Variants in MYMK observed in about 807,000 individuals in gnomAD.
The protein encoded by MYMK is myomaker, myoblast fusion factor.
In MYMK, 16 loss-of-function variants were observed where a neutral mutation model predicts 22.4. The ratio of observed to expected loss-of-function variants is 0.72; its 90% CI spans 0.48 to 1.09. The LOEUF (loss-of-function observed/expected upper bound fraction) is 1.09, where lower values mean the gene tolerates loss of function less well. Among genes scored for constraint, MYMK ranks in the 50% least tolerant of loss-of-function variants. MYMK has a pLI of 0.00. For synonymous variants in MYMK, 125 were observed against 127.0 expected (o/e 0.98, Z 0.11); for missense variants, 250 against 295.6 (o/e 0.85, Z 1.13).
intron 3 of MYMK, 141 bp downstream of exon 3, chr9:133,518,733 G>C: frequency 4.6e-6 from 5 of 1,089,516 alleles, no homozygotes; most frequent in Non-Finnish European, 6.5e-6. Context: ...TATTTTCTAC[G>C]TGGTTTTGCT....
At chr9:133,524,300 G>A (rs1366163682) in intron 1 of MYMK, among the ~76,000 whole-genome samples, 2 of 152,144 alleles carry the variant, frequency 1.3e-5, no homozygotes, top group Admixed American at 6.5e-5. Context: ...GGCCTGGCTT[G>A]CCCCACTCAT....
At chr9:133,523,279 G>A (rs1012815726) in intron 1 of MYMK, among the ~76,000 whole-genome samples, 1 of 152,266 alleles carries the variant, frequency 6.6e-6, no homozygotes, top group African/African-American at 2.4e-5. Flanking sequence ...GACTCCCTCT[G>A]TGCACTCACA....
intron 1 of MYMK, among the ~76,000 whole-genome samples, chr9:133,523,664 GTAGA>G: frequency 7.0e-6 from 1 of 142,708 alleles, no homozygotes; most frequent in South Asian, 2.3e-4. Context: ...AGATGGATGC[GTAGA>G]TAGAGAGATA....
chr9:133,514,768 A>C lies in MYMK; in HGVS notation c.534T>G (p.Tyr178Ter). The stretch of plus-strand genomic sequence containing the variant: ...GGGCACAGTGGTAGAAGCTGTGGAC[A>C]TAAGTGTAGTCCCAGTCCTGCGGGG... ...RFFFEDWDYT[Y>*]VHSFYHCALA... is the part of the protein sequence containing the mutation. Residue 178 changes from tyrosine (Y) to a stop codon, truncating the protein, a stop_gained, in exon 5 of 5, where the codon TAT becomes TAG. Transcript: ENST00000339996. LOFTEE classifies it high-confidence loss of function. 1.2e-6 allele frequency: 2 copies of C among 1,613,742 alleles called. No homozygotes were observed. Among genetic ancestry groups the C allele is most frequent in the South Asian group, 1.1e-5 (1 of 91,070 alleles).
At chr9:133,517,720 G>A (rs1446659399) in intron 3 of MYMK, among the ~76,000 whole-genome samples, 2 of 151,438 alleles carry the variant, frequency 1.3e-5, no homozygotes, top group African/African-American at 4.9e-5. Flanking sequence ...CTGCCATGAC[G>A]TCCTGTTAAG....
chr9:133,519,082 C>T (rs1017446913), intron 2 of MYMK, 60 bp from the exon 3 acceptor site: 4 of 1,582,016 alleles, frequency 2.5e-6, no homozygotes, highest in Non-Finnish European at 3.4e-6. Context: ...CTCCTGGCTA[C>T]CCCCCCACCC....
Position 133,519,727 on chromosome 9 carries a change from GA to G in MYMK, c.250+446del, listed in dbSNP as rs200714729. ...CCTTGCCACAGACAACAGTTACGTG[GA>G]AAAAAACATGGTGGGAAAGGGGGCT... On this transcript the variant is annotated intron_variant, in intron 2 of 4. Coordinates refer to ENST00000339996, the MANE Select transcript of MYMK (RefSeq NM_001080483.3). Among the ~76,000 whole-genome samples, 1,294 of 152,196 alleles carry G rather than the reference GA, an allele frequency of 8.5e-3. 30 individuals are homozygous for G. The highest frequency in any genetic ancestry group is 0.03 in the African/African-American group (1,232 of 41,526).
At chr9:133,521,091 C>G (rs1844698000) in intron 1 of MYMK, among the ~76,000 whole-genome samples, 1 of 152,150 alleles carries the variant, frequency 6.6e-6, no homozygotes, top group Non-Finnish European at 1.5e-5. Flanking sequence ...TAGGCTCATC[C>G]ATCTCTGCCC....
chr9:133,517,121 A>G (rs935375036), intron 3 of MYMK, among the ~76,000 whole-genome samples: 24 of 152,144 alleles, frequency 1.6e-4, no homozygotes, highest in African/African-American at 5.8e-4. Context: ...ATTACAGTTC[A>G]GCCCAGTTCA....
At position 133,515,061 on chromosome 9, in the gene MYMK, C is replaced by T. The variant is rs1844614952; in HGVS notation, c.517-276G>A. On this transcript the variant is annotated intron_variant, in intron 4 of 4. Coordinates refer to ENST00000339996, the MANE Select transcript of MYMK (RefSeq NM_001080483.3). The surrounding 1 kb of genome is among the most constrained non-coding windows in gnomAD (Gnocchi z 5.8). The stretch of plus-strand genomic sequence containing the variant: ...TTCCTCCATCCTTCTCTCCCTCCTA[C>T]CCTCCCTCCCTCCATCTCCCCCTCT... 6.6e-6 allele frequency among the ~76,000 whole-genome samples: 1 copy of T among 151,682 alleles called. No individual in the cohort carries two copies. The highest frequency in any genetic ancestry group is 6.6e-5 in the Admixed American group (1 of 15,220).
At chr9:133,522,437 T>C (rs1022944215) in intron 1 of MYMK, among the ~76,000 whole-genome samples, 2 of 152,044 alleles carry the variant, frequency 1.3e-5, no homozygotes, top group African/African-American at 4.8e-5. Context: ...ATGGAGATTG[T>C]CACGGGAGGG....
intron 3 of MYMK, among the ~76,000 whole-genome samples, chr9:133,517,591 G>A (rs370442059): frequency 2.6e-5 from 4 of 151,748 alleles, no homozygotes; most frequent in African/African-American, 7.3e-5. Flanking sequence ...GCTTCAACCC[G>A]GGAGGCGGAG....
chr9:133,515,658 A>G lies in MYMK; in HGVS notation c.400-51T>C, dbSNP rs750294553. 4.6e-6 allele frequency: 6 copies of G among 1,297,522 alleles called. No homozygotes were observed. The highest frequency in any genetic ancestry group is 6.7e-6 in the Non-Finnish European group (6 of 895,118). The allele number at this position is 1,297,522 out of a possible 1,614,324, so 80.4% of individuals were successfully genotyped here. A position where few individuals can be genotyped will look rare whatever the true frequency, so the allele number is the denominator to read the frequency against. On this transcript the variant is annotated intron_variant, in intron 3 of 4. Transcript: ENST00000339996. The surrounding 1 kb of genome is among the most constrained non-coding windows in gnomAD (Gnocchi z 5.8). ...AGCTTTTAGGTCACAGCACTGGGGA[A>G]CGCCCCTCCCCAAACCAGCCCGAGA...
chr9:133,516,547 G>A (rs1844633302), intron 3 of MYMK, among the ~76,000 whole-genome samples: 2 of 152,252 alleles, frequency 1.3e-5, no homozygotes, highest in South Asian at 4.1e-4. Context: ...CCTATGCAAA[G>A]AGCACAAAGA....
In MYMK at chr9:133,514,658, G is replaced by A; in HGVS notation, c.644C>T (p.Thr215Ile). The A allele has an allele frequency of 6.2e-7, 1 of 1,613,876 alleles. No homozygotes were observed. ...GCATCAGACACAAGCACAGCACAGGGTGGAGCAGTCCAGCTTGGCCGGGGT... is the reference window on the plus strand; with the variant it reads ...GCATCAGACACAAGCACAGCACAGGATGGAGCAGTCCAGCTTGGCCGGGGT... ...PGTPAKLDCS[T>I]LCCACV The change falls in exon 5 of 5, where the codon ACC becomes ATC. Residue 215 changes from threonine (T) to isoleucine (I), a missense_variant. Transcript: ENST00000339996.
Position 133,518,998 on chromosome 9 carries a change from TTGGG to T in MYMK, c.271_274del (p.Pro91ArgfsTer6). The stretch of plus-strand genomic sequence containing the variant: ...GCCGAACATCACAAATGTTGACCTC[TTGGG>T]TTCGTCGAAGTCGGCCAGTGCTGGA... On this transcript the variant is annotated frameshift_variant, in exon 3 of 5. Transcript: ENST00000339996. LOFTEE classifies it high-confidence loss of function. 6.2e-7 allele frequency: 1 copy of T among 1,613,866 alleles called. No individual in the cohort carries two copies. Among genetic ancestry groups the T allele is most frequent in the Non-Finnish European group, 8.5e-7 (1 of 1,179,966 alleles).
Position 133,516,218 on chromosome 9 carries a change from C to T in MYMK, c.400-611G>A, listed in dbSNP as rs539505186. 1.1e-4 allele frequency among the ~76,000 whole-genome samples: 16 copies of T among 152,366 alleles called. No homozygotes were observed. The South Asian group carries it at 3.1e-3, about 30-fold the overall frequency. ...GATGCGGGAAGTGTGGGGCCACATC[C>T]CTGGAGCCGGCCTTGTGTTTTCTAG... is the stretch of plus-strand genomic sequence containing the variant. On this transcript the variant is annotated intron_variant, in intron 3 of 4. Transcript: ENST00000339996.
intron 2 of MYMK, among the ~76,000 whole-genome samples, 162 bp downstream of exon 2, chr9:133,520,012 A>G (rs1844681678): frequency 6.6e-6 from 1 of 152,224 alleles, no homozygotes; most frequent in Non-Finnish European, 1.5e-5. Context: ...TCTTTTTCAT[A>G]GATTAAGCAC....
At chr9:133,518,725 T>G (rs977332760) in intron 3 of MYMK, 149 bp downstream of exon 3, 26 of 1,045,972 alleles carry the variant, frequency 2.5e-5, no homozygotes, top group Middle Eastern at 3.1e-4. Flanking sequence ...CTCATGGCTA[T>G]TTTCTACGTG....
Sources: allele counts gnomAD v4.1 joint callset (sites outside exome capture counted in the v4.1 genomes callset), GRCh38; gene constraint gnomAD v4.1.1; non-coding constraint Gnocchi (gnomAD v3.1); transcripts MANE v1.5; gene names NCBI Gene and HGNC (gene_info 2026-07-23, HGNC 2026-07-21).